The following PDE4D variants were observed in gnomAD, a reference collection of about 807,000 sequenced individuals.
PDE4D encodes the protein 3',5'-cyclic-AMP phosphodiesterase 4D.
Under a neutral mutation model 87.4 loss-of-function variants are expected in PDE4D, and 24 were observed. The ratio of observed to expected loss-of-function variants is 0.27; its 90% confidence interval spans 0.20 to 0.39. The LOEUF is 0.39. Ranked by LOEUF, PDE4D falls within the 10% of genes least tolerant of loss-of-function variation. The pLI, the probability that PDE4D is intolerant of heterozygous loss-of-function variation, is 1.00. For missense variants in PDE4D, 714 were observed against 1,041.0 expected, an observed-to-expected ratio of 0.69 and a Z score of 4.32; for synonymous variants, 384 against 383.2, an observed-to-expected ratio of 1.00 and a Z score of -0.02.
At chr5:60,337,397 A>ACACACC in intron 1 of PDE4D, among the ~76,000 whole-genome samples, 1 of 141,734 alleles carries the variant, frequency 7.1e-6, no homozygotes, top group East Asian at 2.1e-4. Flanking sequence ...ATACACACAC[A>ACACACC]CACACACACA....
At chr5:60,237,407 A>G (rs1746547619) in intron 1 of PDE4D, among the ~76,000 whole-genome samples, 1 of 152,064 alleles carries the variant, frequency 6.6e-6, no homozygotes, top group Non-Finnish European at 1.5e-5. Context: ...CATCCATATC[A>G]TGGAATACTA....
chr5:59,684,483 A>T (rs1749536512), intron 1 of PDE4D, among the ~76,000 whole-genome samples: 1 of 152,202 alleles, frequency 6.6e-6, no homozygotes, highest in Non-Finnish European at 1.5e-5. Flanking sequence ...AATGGTAATT[A>T]TTAGCCACTA....
chr5:59,711,875 G>C (rs1400821418), intron 1 of PDE4D, among the ~76,000 whole-genome samples: 1 of 151,960 alleles, frequency 6.6e-6, no homozygotes, highest in South Asian at 2.1e-4. Flanking sequence ...AATTTTCTTT[G>C]GTAAGGAAAG....
At chr5:60,156,212 C>T (rs1277798026) in intron 2 of PDE4D, among the ~76,000 whole-genome samples, 1 of 152,204 alleles carries the variant, frequency 6.6e-6, no homozygotes, top group Non-Finnish European at 1.5e-5. Context: ...CCAGGTAGCT[C>T]GGGCCTCGCT....
chr5:60,260,079 AT>A (rs1404410151), intron 1 of PDE4D, among the ~76,000 whole-genome samples: 1 of 151,978 alleles, frequency 6.6e-6, no homozygotes, highest in Non-Finnish European at 1.5e-5. Context: ...CAGCAAAGAA[AT>A]CTATTTAGGT....
chr5:60,491,062 C>T (rs1162882792), upstream of PDE4D: 1 of 152,230 alleles, frequency 6.6e-6, no homozygotes, highest in East Asian at 1.9e-4. Context: ...CAGTGCCAGC[C>T]TCTACCTAAG....
At chr5:60,351,115 A>C (rs1759150626) in intron 1 of PDE4D, among the ~76,000 whole-genome samples, 1 of 152,154 alleles carries the variant, frequency 6.6e-6, no homozygotes, top group Non-Finnish European at 1.5e-5. Flanking sequence ...GATCATCCAG[A>C]AGTAAATGTG....
At chr5:59,749,823 C>G (rs1760164243) in intron 1 of PDE4D, among the ~76,000 whole-genome samples, 2 of 152,106 alleles carry the variant, frequency 1.3e-5, no homozygotes, top group African/African-American at 2.4e-5. Flanking sequence ...CTCATACATT[C>G]AGTTATCTAA....
At chr5:60,293,300 G>T (rs749541226) in intron 1 of PDE4D, among the ~76,000 whole-genome samples, 1 of 151,950 alleles carries the variant, frequency 6.6e-6, no homozygotes, top group Non-Finnish European at 1.5e-5. Context: ...CGATCACAAG[G>T]TCAGGAGATC....
intron 1 of PDE4D, among the ~76,000 whole-genome samples, chr5:59,445,914 G>A (rs1224710527): frequency 6.6e-6 from 1 of 152,136 alleles, no homozygotes; most frequent in African/African-American, 2.4e-5. Context: ...GCAGTCTTTT[G>A]TCTGCCCCAT....
intron 5 of PDE4D, among the ~76,000 whole-genome samples, chr5:59,123,459 T>C (rs1774909019): frequency 6.6e-6 from 1 of 152,162 alleles, no homozygotes; most frequent in Non-Finnish European, 1.5e-5. Flanking sequence ...CGTTTATACA[T>C]CTACTTAATT....
At chr5:60,065,380 T>G (rs1227493002) in intron 2 of PDE4D, among the ~76,000 whole-genome samples, 1 of 152,022 alleles carries the variant, frequency 6.6e-6, no homozygotes, top group Non-Finnish European at 1.5e-5. Context: ...ATATTACATC[T>G]TATTGTGATT....
At chr5:60,247,031 G>C (rs754569778) in intron 1 of PDE4D, among the ~76,000 whole-genome samples, 5 of 151,990 alleles carry the variant, frequency 3.3e-5, no homozygotes, top group Non-Finnish European at 7.4e-5. Flanking sequence ...CCATAGAGAT[G>C]TGTTTTTGAA....
chr5:60,496,860 T>C (rs1363704068), intron 1 of PDE4D, among the ~76,000 whole-genome samples: 1 of 152,226 alleles, frequency 6.6e-6, no homozygotes, highest in Non-Finnish European at 1.5e-5. Context: ...AATATGACTG[T>C]ATAGAAATGT....
chr5:59,560,839 A>G (rs939243985), intron 1 of PDE4D: 1 of 152,212 alleles, frequency 6.6e-6, no homozygotes, highest in African/African-American at 2.4e-5. Context: ...CTAGTGAGAG[A>G]GCCAGGTGCT....
chr5:60,225,099 T>C (rs933421021), intron 1 of PDE4D, among the ~76,000 whole-genome samples: 1 of 151,978 alleles, frequency 6.6e-6, no homozygotes, highest in East Asian at 1.9e-4. Flanking sequence ...TTCAGACTAT[T>C]ATCGCTGCCT....
At position 59,238,342 on chromosome 5, in the gene PDE4D, T is replaced by C. The variant is rs955704962; in HGVS notation, c.456-22374A>G. Among the ~76,000 whole-genome samples, 74 of 152,194 alleles carry C rather than the reference T, an allele frequency of 4.9e-4. 1 individual carries two copies. The highest frequency in any genetic ancestry group is 1.8e-3 in the African/African-American group (74 of 41,448). ...GACTCTTGTAATATAGGATCAACAGTAAACTGGGACCTTGTCATTTGCATT... is the reference window on the plus strand; with the variant it reads ...GACTCTTGTAATATAGGATCAACAGCAAACTGGGACCTTGTCATTTGCATT... On this transcript the variant is annotated intron_variant, in intron 1 of 14. Coordinates refer to ENST00000340635, the MANE Select transcript of PDE4D (RefSeq NM_001104631.2).
intron 1 of PDE4D, among the ~76,000 whole-genome samples, chr5:59,733,758 T>C (rs1047839127): frequency 1.4e-4 from 22 of 152,130 alleles, no homozygotes; most frequent in Admixed American, 4.6e-4. Context: ...TCTTCCCTTC[T>C]TCTTCACAGT....
intron 5 of PDE4D, among the ~76,000 whole-genome samples, chr5:59,117,849 A>C (rs1399070732): frequency 6.6e-6 from 1 of 151,672 alleles, no homozygotes; most frequent in African/African-American, 2.4e-5. Flanking sequence ...TGGTGAGAAA[A>C]GGAGGAAGGA....
Sources: gnomAD v4.1 joint callset for allele counts (sites outside exome capture counted in the v4.1 genomes callset) on GRCh38, gnomAD v4.1.1 for gene constraint, MANE v1.5 for transcripts, NCBI Gene and HGNC (gene_info 2026-07-23, HGNC 2026-07-21) for gene names.